The following PTPRT variants were observed in gnomAD, a reference collection of about 807,000 sequenced individuals.
PTPRT encodes the protein protein tyrosine phosphatase receptor type T.
A neutral mutation model predicts 176.8 loss-of-function variants in PTPRT; 56 were observed. That is an observed-to-expected ratio of 0.32 (90% CI 0.26 to 0.40). PTPRT has a LOEUF of 0.40. Among genes scored for constraint, PTPRT ranks in the 10% least tolerant of loss-of-function variants. The pLI is 1.00. For synonymous variants in PTPRT, 783 were observed against 739.0 expected (o/e 1.06, Z -0.96); for missense variants, 1,540 against 1,908.2 (o/e 0.81, Z 3.60).
intron 2 of PTPRT, among the ~76,000 whole-genome samples, chr20:42,827,569 A>C (rs371816730): frequency 5.3e-5 from 8 of 152,200 alleles, no homozygotes; most frequent in African/African-American, 1.7e-4. Flanking sequence ...TAAGAGGGAA[A>C]TCTATAGCAC....
At chr20:42,197,145 C>A (rs555052168) in intron 16 of PTPRT, among the ~76,000 whole-genome samples, 2 of 151,904 alleles carry the variant, frequency 1.3e-5, no homozygotes, top group Non-Finnish European at 2.9e-5. Flanking sequence ...TTTGGGAGGC[C>A]GAGGCGGGCG....
At position 43,033,341 on chromosome 20, in the gene PTPRT, C is replaced by T. The variant is rs146844214; in HGVS notation, c.89-147409G>A. Among the ~76,000 whole-genome samples the T allele has an allele frequency of 4.9e-3, 750 of 152,272 alleles. 5 individuals carry two copies. Among genetic ancestry groups the T allele is most frequent in the Non-Finnish European group, 7.9e-3 (537 of 68,028 alleles). On this transcript the variant is annotated intron_variant, in intron 1 of 30. Coordinates refer to ENST00000373187, the MANE Select transcript of PTPRT (RefSeq NM_007050.6). ...CTTCCTCCCTTCGTGTGTTCAGTTGCACCTGCCCACCTCCTGTTGAGAGAT... is the reference window on the plus strand; with the variant it reads ...CTTCCTCCCTTCGTGTGTTCAGTTGTACCTGCCCACCTCCTGTTGAGAGAT...
chr20:42,890,440 G>A (rs1315723462), intron 1 of PTPRT, among the ~76,000 whole-genome samples: 2 of 152,134 alleles, frequency 1.3e-5, no homozygotes, highest in Admixed American at 1.3e-4. Flanking sequence ...TGCTGTGCAA[G>A]GCAAAGGGCT....
At chr20:42,886,881 G>A (rs180810343) in intron 1 of PTPRT, among the ~76,000 whole-genome samples, 145 of 152,274 alleles carry the variant, frequency 9.5e-4, no homozygotes, top group Non-Finnish European at 1.7e-3. Context: ...TTGAAGGATG[G>A]GAGCATCTCC....
intron 19 of PTPRT, among the ~76,000 whole-genome samples, chr20:42,120,423 A>G (rs1331497448): frequency 6.6e-6 from 1 of 152,234 alleles, no homozygotes; most frequent in Non-Finnish European, 1.5e-5. Flanking sequence ...GACTTCTTCC[A>G]TTAGTAACAA....
chr20:42,181,439 A>G (rs1990521595), intron 16 of PTPRT, among the ~76,000 whole-genome samples: 1 of 152,218 alleles, frequency 6.6e-6, no homozygotes, highest in African/African-American at 2.4e-5. Context: ...TACAAGGATT[A>G]GGACTTTCTA....
chr20:42,498,475 T>C (rs1390976524), intron 7 of PTPRT, among the ~76,000 whole-genome samples: 1 of 152,084 alleles, frequency 6.6e-6, no homozygotes, highest in Admixed American at 6.6e-5. Flanking sequence ...TGACAGATAG[T>C]GGGTCCTAAA....
At chr20:42,864,778 T>C (rs893819065) in intron 2 of PTPRT, among the ~76,000 whole-genome samples, 1 of 152,192 alleles carries the variant, frequency 6.6e-6, no homozygotes, top group Non-Finnish European at 1.5e-5. Flanking sequence ...CACAGGAAAG[T>C]AGTCTTTCAA....
At chr20:43,032,168 T>C (rs931443465) in intron 1 of PTPRT, among the ~76,000 whole-genome samples, 36 of 152,190 alleles carry the variant, frequency 2.4e-4, no homozygotes, top group African/African-American at 8.7e-4. Context: ...ATAACATGTA[T>C]GCAGCTGATC....
intron 1 of PTPRT, among the ~76,000 whole-genome samples, chr20:42,932,354 C>T (rs184178359): frequency 6.6e-6 from 1 of 152,318 alleles, no homozygotes; most frequent in East Asian, 1.9e-4. Context: ...CTGGCTGCAG[C>T]GCAGGCTGCA....
intron 7 of PTPRT, among the ~76,000 whole-genome samples, chr20:42,612,108 C>T (rs118142791): frequency 1.4e-4 from 21 of 152,238 alleles, no homozygotes; most frequent in Non-Finnish European, 2.8e-4. Flanking sequence ...TGACTCTTCC[C>T]CTTCCCCACC....
At chr20:42,859,934 C>T (rs1027058505) in intron 2 of PTPRT, among the ~76,000 whole-genome samples, 1 of 151,950 alleles carries the variant, frequency 6.6e-6, no homozygotes, top group Non-Finnish European at 1.5e-5. Context: ...TTCTTAGGGA[C>T]AAAGATATAA....
chr20:42,119,217 A>G (rs1452651277), intron 20 of PTPRT, among the ~76,000 whole-genome samples: 1 of 152,130 alleles, frequency 6.6e-6, no homozygotes, highest in Non-Finnish European at 1.5e-5. Flanking sequence ...TTACTGTAAT[A>G]AGCATCAGAC....
intron 4 of PTPRT, among the ~76,000 whole-genome samples, chr20:42,779,295 G>C (rs1443650326): frequency 1.2e-4 from 19 of 152,196 alleles, no homozygotes; most frequent in Admixed American, 1.2e-3. Context: ...TCTTGAGGCA[G>C]CAGCAAACTG....
In PTPRT at chr20:42,471,388, G is replaced by A. The variant is rs538513569; in HGVS notation, c.1450+878C>T. On this transcript the variant is annotated intron_variant, in intron 8 of 30. Coordinates refer to ENST00000373187, the MANE Select transcript of PTPRT (RefSeq NM_007050.6). ...GGAAGTGGATCCCTCATGGGTTGGT[G>A]CTGTCTTCGCGACAGTGAGTGAATT... Among the ~76,000 whole-genome samples, 4 of 152,224 alleles carry A rather than the reference G, an allele frequency of 2.6e-5. No individual in the cohort carries two copies. The East Asian group carries it at 7.8e-4, about 30-fold the overall frequency.
At chr20:42,152,280 C>T (rs897512200) in intron 17 of PTPRT, among the ~76,000 whole-genome samples, 1 of 152,158 alleles carries the variant, frequency 6.6e-6, no homozygotes, top group Admixed American at 6.5e-5. Flanking sequence ...AAGCACAAGA[C>T]TTAGGGATTA....
chr20:42,807,492 C>T (rs1055613915), intron 2 of PTPRT, among the ~76,000 whole-genome samples: 1 of 152,154 alleles, frequency 6.6e-6, no homozygotes, highest in African/African-American at 2.4e-5. Context: ...CCTGTGCTCT[C>T]TGTGGCACTG....
At chr20:42,509,758 C>T (rs1276693182) in intron 7 of PTPRT, among the ~76,000 whole-genome samples, 1 of 151,996 alleles carries the variant, frequency 6.6e-6, no homozygotes, top group Non-Finnish European at 1.5e-5. Context: ...AATTAGGCTA[C>T]AGGTTGTACC....
chr20:42,054,414 G>T, the PTPRT span, among the ~76,000 whole-genome samples: 2 of 152,172 alleles, frequency 1.3e-5, no homozygotes. Flanking sequence ...TTCATAAAAA[G>T]GAATTGCTAA....
Sources: allele counts gnomAD v4.1 joint callset (sites outside exome capture counted in the v4.1 genomes callset), GRCh38; gene constraint gnomAD v4.1.1; transcripts MANE v1.5; gene names NCBI Gene and HGNC (gene_info 2026-07-23, HGNC 2026-07-21).